Variants in REV3L observed in about 807,000 individuals in gnomAD.
The protein encoded by REV3L is DNA polymerase zeta catalytic subunit.
Under a neutral mutation model 299.4 loss-of-function variants are expected in REV3L, and 69 were observed. The ratio of observed to expected loss-of-function variants is 0.23; its 90% CI spans 0.19 to 0.28. The LOEUF is 0.28. Ranked by LOEUF, REV3L falls within the 10% of genes least tolerant of loss-of-function variation. REV3L has a pLI of 1.00. For missense variants in REV3L, 3,128 were observed against 3,693.8 expected (o/e 0.85, Z 3.97); for synonymous variants, 1,238 against 1,271.4 (o/e 0.97, Z 0.56).
intron 31 of REV3L, among the ~76,000 whole-genome samples, chr6:111,301,757 A>G (rs1179363705): frequency 6.6e-6 from 1 of 152,216 alleles, no homozygotes; most frequent in East Asian, 1.9e-4. Flanking sequence ...GAGAAGCACT[A>G]TAATGTTTTA....
At chr6:111,350,809 G>C (rs1472196297) in intron 19 of REV3L, among the ~76,000 whole-genome samples, 1 of 137,162 alleles carries the variant, frequency 7.3e-6, no homozygotes, top group Non-Finnish European at 1.6e-5. Context: ...GGATAGTTTT[G>C]AACTCCAGGG....
At position 111,349,510 on chromosome 6, in the gene REV3L, CTTCT is replaced by C. The variant is rs532950774; in HGVS notation, c.7301-178_7301-175del. Among the ~76,000 whole-genome samples, 25 of 152,278 alleles carry C rather than the reference CTTCT, an allele frequency of 1.6e-4. No individual in the cohort carries two copies. In the East Asian group the frequency reaches 4.4e-3, roughly 27 times the overall value. On this transcript the variant is annotated intron_variant, in intron 19 of 31. Transcript: ENST00000368802. Reference sequence around the variant, plus strand: ...ATAACCTGAAGTCTCTCCCTCCCTCCTTCTTTCTATATTTAAATAAGAAACACTT... The same window carrying C: ...ATAACCTGAAGTCTCTCCCTCCCTCCTTCTATATTTAAATAAGAAACACTT...
intron 25 of REV3L, among the ~76,000 whole-genome samples, chr6:111,324,923 G>A (rs558393865): frequency 6.4e-4 from 97 of 151,132 alleles, no homozygotes; most frequent in African/African-American, 2.2e-3. Flanking sequence ...GTACAGTGGC[G>A]CAATCTCGGC....
chr6:111,367,423 G>C lies in REV3L; in HGVS notation c.6365C>G (p.Ser2122Cys). The C allele has an allele frequency of 6.2e-7, 1 of 1,611,560 alleles. No individual in the cohort carries two copies. Among genetic ancestry groups the C allele is most frequent in the Non-Finnish European group, 8.5e-7 (1 of 1,179,058 alleles). ...TTGTTGCCAAGGGGGAATTACTGGA[G>C]AATCAGGGGAGCTATAACTAATGTA... is the stretch of plus-strand genomic sequence containing the variant. Reference protein sequence around the residue: ...NYYISYSSPDSPVIPPWQQPI... With the variant: ...NYYISYSSPDCPVIPPWQQPI... Residue 2122 changes from serine (S) to cysteine (C), a missense_variant, in exon 14 of 32, where the codon TCT becomes TGT. By Grantham distance (112) the Ser-to-Cys change is moderately radical (BLOSUM62 -1). Around this residue, in one of 9 missense-constraint regions of REV3L, gnomAD observed 2,409 missense variants for 2,611.8 expected, o/e 0.92. Transcript: ENST00000368802.
chr6:111,411,507 T>C lies in REV3L; in HGVS notation c.377A>G (p.Tyr126Cys), dbSNP rs141169598. The C allele has an allele frequency of 8.2e-6, 13 of 1,589,564 alleles. No homozygotes were observed. Among genetic ancestry groups the C allele is most frequent in the South Asian group, 2.3e-5 (2 of 87,970 alleles). The change falls in exon 3 of 32, where the codon TAT (tyrosine) becomes TGT (cysteine). Residue 126 changes from tyrosine to cysteine, a missense_variant. Physicochemically the swap from Tyr to Cys is radical, Grantham distance 194 (BLOSUM62 -2). Around this residue, in one of 9 missense-constraint regions of REV3L, gnomAD observed 2,409 missense variants for 2,611.8 expected, o/e 0.92. Coordinates refer to ENST00000368802, the MANE Select transcript of REV3L (RefSeq NM_001372078.1). ...TTTCACCATTGTAGGATTGTAAAGA[T>C]AGATCTTCATAAAGTGTCTTTCCTT... ...HEKERHFMKI[Y>C]LYNPTMVKRI...
chr6:111,475,952 A>T (rs922835998), intron 1 of REV3L, among the ~76,000 whole-genome samples: 1 of 152,208 alleles, frequency 6.6e-6, no homozygotes, highest in Non-Finnish European at 1.5e-5. Context: ...AACACTGTTT[A>T]TTAAACAATT....
At chr6:111,482,692 G>A (rs1793906262) in intron 1 of REV3L, 58 bp downstream of exon 1, 4 of 1,100,236 alleles carry the variant, frequency 3.6e-6, no homozygotes, top group East Asian at 5.0e-5. Flanking sequence ...GCGGCGGGGA[G>A]GGCGGCCCCG....
intron 1 of REV3L, among the ~76,000 whole-genome samples, chr6:111,467,095 T>G (rs768315428): frequency 2.0e-5 from 3 of 152,242 alleles, no homozygotes; most frequent in Non-Finnish European, 2.9e-5. Context: ...TAAGGATTCC[T>G]ATTTGTTTTT....
chr6:111,361,821 T>A (rs1215635536), intron 16 of REV3L, among the ~76,000 whole-genome samples: 1 of 152,170 alleles, frequency 6.6e-6, no homozygotes, highest in Non-Finnish European at 1.5e-5. Flanking sequence ...CAGTATTTTT[T>A]CTTTGGTTTA....
At chr6:111,433,507 A>C (rs1456328329) in intron 1 of REV3L, among the ~76,000 whole-genome samples, 3 of 152,168 alleles carry the variant, frequency 2.0e-5, no homozygotes. Context: ...AGGTTGAATC[A>C]AGGAGAAAGA....
At chr6:111,422,631 C>CACATATATATATAT (rs1785600643) in intron 1 of REV3L, among the ~76,000 whole-genome samples, 1 of 12,732 alleles carries the variant, frequency 7.9e-5, no homozygotes, top group African/African-American at 1.4e-4. Flanking sequence ...TATATATATA[C>CACATATATATATAT]ACATATATAT....
chr6:111,381,576 C>G, intron 9 of REV3L, 132 bp from the exon 10 acceptor site: 3 of 691,092 alleles, frequency 4.3e-6, no homozygotes, highest in Non-Finnish European at 7.1e-6. Flanking sequence ...ATGATGCATG[C>G]CAAATAAAAA....
At chr6:111,338,450 G>T (rs1488170003) in intron 21 of REV3L, among the ~76,000 whole-genome samples, 3 of 145,936 alleles carry the variant, frequency 2.1e-5, no homozygotes, top group African/African-American at 5.1e-5. Flanking sequence ...GTAAACATTT[G>T]AATATTTCAG....
Position 111,313,455 on chromosome 6 carries a change from C to T in REV3L, c.8501G>A (p.Arg2834Lys). ...TGTTTCATACATGTAACCCACATAC[C>T]TCTTTTTTGTTTGTAAAACACAGGG... ...YLPCVLQTKKRYVGYMYETLD... is the reference protein window; with the variant it reads ...YLPCVLQTKKKYVGYMYETLD... Residue 2834 changes from arginine (R) to lysine (K), a missense_variant, in exon 28 of 32, where the codon AGG (arginine) becomes AAG (lysine). By Grantham distance (26) the Arg-to-Lys change is conservative. Coordinates refer to ENST00000368802, the MANE Select transcript of REV3L (RefSeq NM_001372078.1). The T allele has an allele frequency of 6.2e-7, 1 of 1,611,456 alleles. No homozygotes were observed. The highest frequency in any genetic ancestry group is 8.5e-7 in the Non-Finnish European group (1 of 1,179,110).
intron 31 of REV3L, among the ~76,000 whole-genome samples, chr6:111,302,260 A>G (rs1771644845): frequency 6.6e-6 from 1 of 152,222 alleles, no homozygotes; most frequent in African/African-American, 2.4e-5. Flanking sequence ...GATCTCTGCC[A>G]AGAGACTCAA....
At chr6:111,383,317 T>C (rs1027221588) in intron 9 of REV3L, among the ~76,000 whole-genome samples, 1 of 152,146 alleles carries the variant, frequency 6.6e-6, no homozygotes, top group African/African-American at 2.4e-5. Flanking sequence ...TGCATCCAAA[T>C]TGGAAAGGAA....
chr6:111,444,417 C>T (rs1788608255), intron 1 of REV3L, among the ~76,000 whole-genome samples: 1 of 151,954 alleles, frequency 6.6e-6, no homozygotes, highest in Non-Finnish European at 1.5e-5. Flanking sequence ...ATTAAAATGG[C>T]CACAAATACC....
chr6:111,357,010 A>G lies in REV3L; in HGVS notation c.7184+4T>C, dbSNP rs1246116514. 8 of 1,516,546 alleles carry G rather than the reference A, an allele frequency of 5.3e-6. No individual in the cohort carries two copies. Among genetic ancestry groups the G allele is most frequent in the Non-Finnish European group, 7.2e-6 (8 of 1,105,414 alleles). The allele number at this position is 1,516,546 out of a possible 1,614,324, so 93.9% of individuals were successfully genotyped here. ...CTGGAAAAATCAGATATACAAAACA[A>G]TACCTCTTTATTATATTTGCAATTT... On this transcript the variant is annotated splice_donor_region_variant and intron_variant, in intron 18 of 31. Transcript: ENST00000368802.
chr6:111,302,536 G>A (rs1409211625), intron 31 of REV3L, among the ~76,000 whole-genome samples: 1 of 152,172 alleles, frequency 6.6e-6, no homozygotes, highest in East Asian at 1.9e-4. Context: ...GTAGCACATA[G>A]GGAGGCAGGC....
Sources: gnomAD v4.1 joint callset for allele counts (sites outside exome capture counted in the v4.1 genomes callset) on GRCh38, gnomAD v4.1.1 for gene constraint, gnomAD v4.1.1 regional missense constraint, MANE v1.5 for transcripts, NCBI Gene and HGNC (gene_info 2026-07-23, HGNC 2026-07-21) for gene names.